Variants in PARVA observed in about 807,000 individuals in gnomAD.
PARVA encodes parvin alpha.
In PARVA, 25 loss-of-function variants were observed where a neutral mutation model predicts 52.6. The observed-to-expected ratio is 0.48, with a 90% CI of 0.35 to 0.66. PARVA has a LOEUF of 0.66. PARVA is among the 30% of genes least tolerant of loss of function. PARVA has a pLI of 0.01. For synonymous variants in PARVA, 185 were observed against 179.1 expected (o/e 1.03, Z -0.26); for missense variants, 373 against 450.9 (o/e 0.83, Z 1.56).
intron 1 of PARVA, among the ~76,000 whole-genome samples, chr11:12,435,471 T>C (rs1401382038): frequency 1.3e-5 from 2 of 152,224 alleles, no homozygotes; most frequent in Admixed American, 6.5e-5. Flanking sequence ...TTCCGGTCTA[T>C]TTCTAAGTCC....
At chr11:12,519,299 G>GC (rs1015496585) in intron 12 of PARVA, among the ~76,000 whole-genome samples, 3 of 152,162 alleles carry the variant, frequency 2.0e-5, no homozygotes, top group Non-Finnish European at 2.9e-5. Context: ...GGGCTCTCAT[G>GC]CCCCCTTCCT....
intron 1 of PARVA, among the ~76,000 whole-genome samples, chr11:12,415,362 G>A (rs1425776443): frequency 6.6e-6 from 1 of 152,098 alleles, no homozygotes; most frequent in Non-Finnish European, 1.5e-5. Flanking sequence ...TAAATCAGAG[G>A]AGAAAGCCGT....
intron 4 of PARVA, among the ~76,000 whole-genome samples, chr11:12,487,164 A>G (rs1941170816): frequency 6.6e-6 from 1 of 152,176 alleles, no homozygotes. Flanking sequence ...GGCTGATTCT[A>G]TGTGGTGGAT....
intron 1 of PARVA, among the ~76,000 whole-genome samples, chr11:12,462,354 A>T (rs1027621861): frequency 5.3e-5 from 8 of 152,188 alleles, no homozygotes; most frequent in Non-Finnish European, 5.9e-5. Flanking sequence ...TTAAAAGTAG[A>T]AGAGGAGATT....
chr11:12,455,797 G>A (rs1462565221), intron 1 of PARVA, among the ~76,000 whole-genome samples: 4 of 151,994 alleles, frequency 2.6e-5, no homozygotes, highest in African/African-American at 9.7e-5. Context: ...TCTCAACACA[G>A]TTTCCACTAT....
chr11:12,521,751 G>A (rs551133088), intron 12 of PARVA, among the ~76,000 whole-genome samples: 1 of 152,292 alleles, frequency 6.6e-6, no homozygotes, highest in African/African-American at 2.4e-5. Context: ...GGGTGATGTA[G>A]CATAAGAAAG....
intron 1 of PARVA, chr11:12,452,754 C>T: frequency 4.2e-6 from 1 of 238,886 alleles, no homozygotes; most frequent in Non-Finnish European, 8.8e-6. Context: ...AGGCAGAATC[C>T]CGCTTGCTTT....
chr11:12,415,575 G>C (rs1051691972), intron 1 of PARVA, among the ~76,000 whole-genome samples: 1 of 152,034 alleles, frequency 6.6e-6, no homozygotes, highest in Non-Finnish European at 1.5e-5. Flanking sequence ...TTACTCTCAA[G>C]GGGAATCAGC....
chr11:12,468,136 T>G (rs1940880466), intron 1 of PARVA, among the ~76,000 whole-genome samples: 1 of 152,250 alleles, frequency 6.6e-6, no homozygotes, highest in African/African-American at 2.4e-5. Context: ...AGCCTTGTTC[T>G]ACATGAGCCC....
intron 12 of PARVA, among the ~76,000 whole-genome samples, chr11:12,527,550 C>T (rs906285477): frequency 1.2e-4 from 18 of 152,256 alleles, no homozygotes; most frequent in Non-Finnish European, 2.1e-4. Context: ...CAGGCCTTCC[C>T]CTCCTTTTCA....
chr11:12,465,991 C>A (rs182126778), intron 1 of PARVA, among the ~76,000 whole-genome samples: 1 of 152,342 alleles, frequency 6.6e-6, no homozygotes, highest in Admixed American at 6.5e-5. Context: ...TTGCTCCACA[C>A]CCCTTGCCAG....
rs895206310 is a variant in PARVA, at chr11:12,504,725, C to T, written c.657+296C>T. Reference sequence around the variant, plus strand: ...TGTGTAATGTGTAGATGAGGGTGTGCGGTATGTATGTGAGCTGTGTGTCAT... The same window carrying T: ...TGTGTAATGTGTAGATGAGGGTGTGTGGTATGTATGTGAGCTGTGTGTCAT... On this transcript the variant is annotated intron_variant, in intron 6 of 12. Coordinates refer to ENST00000334956, the MANE Select transcript of PARVA (RefSeq NM_018222.5). 6.0e-5 allele frequency among the ~76,000 whole-genome samples: 9 copies of T among 149,348 alleles called. No homozygotes were observed. In the South Asian group the frequency reaches 6.4e-4, roughly 11 times the overall value.
intron 5 of PARVA, among the ~76,000 whole-genome samples, chr11:12,504,015 G>C (rs925698691): frequency 6.6e-6 from 1 of 152,138 alleles, no homozygotes; most frequent in African/African-American, 2.4e-5. Flanking sequence ...GCAAGAGAGA[G>C]AGTGGGCTGC....
intron 1 of PARVA, among the ~76,000 whole-genome samples, chr11:12,462,640 A>G (rs1243049479): frequency 6.6e-6 from 1 of 152,226 alleles, no homozygotes; most frequent in Non-Finnish European, 1.5e-5. Context: ...TACTACAGCA[A>G]TAGAGAACTA....
At position 12,377,589 on chromosome 11, in the gene PARVA, T is replaced by G. The variant is rs1041206542; in HGVS notation, c.-59T>G. Reference sequence around the variant, plus strand: ...CAGCCTCAGTCCCGCCGCCGCCCGCTGCGTCCGCCCAGCGCCAGCTCCGCG... The same window carrying G: ...CAGCCTCAGTCCCGCCGCCGCCCGCGGCGTCCGCCCAGCGCCAGCTCCGCG... On this transcript the variant is annotated 5_prime_UTR_variant, in exon 1 of 13. Coordinates refer to ENST00000334956, the MANE Select transcript of PARVA (RefSeq NM_018222.5). 1 of 1,505,186 alleles carries G rather than the reference T, an allele frequency of 6.6e-7. No homozygotes were observed. Among genetic ancestry groups the G allele is most frequent in the African/African-American group, 1.5e-5 (1 of 68,332 alleles). 93.2% of individuals were successfully genotyped at this position (1,505,186 alleles called of 1,614,324 possible). A position where few individuals can be genotyped will look rare whatever the true frequency, so the allele number is the denominator to read the frequency against.
intron 5 of PARVA, among the ~76,000 whole-genome samples, chr11:12,497,534 T>C (rs1941312845): frequency 6.6e-6 from 1 of 152,224 alleles, no homozygotes; most frequent in Non-Finnish European, 1.5e-5. Context: ...AGCAGGTCTC[T>C]AACATCTGAC....
intron 1 of PARVA, among the ~76,000 whole-genome samples, chr11:12,420,739 ATCT>A (rs1222223965): frequency 6.6e-6 from 1 of 152,186 alleles, no homozygotes; most frequent in African/African-American, 2.4e-5. Context: ...AAATCACTTA[ATCT>A]TCTTACCAAT....
chr11:12,473,620 A>G (rs896495293), intron 1 of PARVA, 125 bp from the exon 2 acceptor site: 7 of 702,150 alleles, frequency 1.0e-5, no homozygotes, highest in African/African-American at 8.9e-5. Context: ...TAGGCTGAGT[A>G]ACAGCTGTAA....
intron 1 of PARVA, among the ~76,000 whole-genome samples, chr11:12,471,078 G>A (rs1350459023): frequency 6.6e-6 from 1 of 152,240 alleles, no homozygotes; most frequent in African/African-American, 2.4e-5. Context: ...GAACTTAAGA[G>A]TGATTCCTCG....
Sources: allele counts gnomAD v4.1 joint callset (sites outside exome capture counted in the v4.1 genomes callset), GRCh38; gene constraint gnomAD v4.1.1; transcripts MANE v1.5; gene names NCBI Gene and HGNC (gene_info 2026-07-23, HGNC 2026-07-21).